The following PLEKHA4 variants were observed in gnomAD, a reference collection of about 807,000 sequenced individuals.
PLEKHA4 encodes pleckstrin homology domain containing A4, also known as pleckstrin homology domain-containing family A member 4.
A neutral mutation model predicts 94.7 loss-of-function variants in PLEKHA4; 73 were observed. The ratio of observed to expected loss-of-function variants is 0.77; its 90% CI spans 0.64 to 0.94. The LOEUF is 0.94. Ranked by LOEUF, PLEKHA4 falls within the 40% of genes least tolerant of loss-of-function variation. The probability of loss-of-function intolerance (pLI) is 0.00; values close to 1 mark genes in which losing one functional copy is unlikely to be tolerated. For missense variants in PLEKHA4, 1,049 were observed against 1,054.1 expected, an observed-to-expected ratio of 1.00 and a Z score of 0.07; for synonymous variants, 449 against 437.1, an observed-to-expected ratio of 1.03 and a Z score of -0.34.
intron 12 of PLEKHA4, 29 bp from the exon 13 acceptor site, chr19:48,852,355 G>A (rs750695670): frequency 1.1e-4 from 177 of 1,539,698 alleles, no homozygotes; most frequent in Non-Finnish European, 1.6e-4. Flanking sequence ...GGAGACATAG[G>A]TTAGGTCCCT....
At chr19:48,840,483 T>C (rs1251827851) in intron 17 of PLEKHA4, among the ~76,000 whole-genome samples, 1 of 148,634 alleles carries the variant, frequency 6.7e-6, no homozygotes, top group African/African-American at 2.5e-5. Context: ...TGGAGTGCAA[T>C]GGCAAAATCT....
In PLEKHA4 at chr19:48,837,311, G is replaced by A. The variant is rs2035563960; in HGVS notation, c.2318C>T (p.Thr773Ile). The A allele has an allele frequency of 1.9e-6, 3 of 1,613,986 alleles. No individual in the cohort carries two copies. Among genetic ancestry groups the A allele is most frequent in the East Asian group, 4.5e-5 (2 of 44,872 alleles). Reference sequence around the variant, plus strand: ...GGATTAGAAGCTGGATTGTAGCAGAGTGACTCGCAGAGGCCATGCCCCCTC... The same window carrying A: ...GGATTAGAAGCTGGATTGTAGCAGAATGACTCGCAGAGGCCATGCCCCCTC... ...QDEGAWPLRV[T>I]LLQSSF The change falls in exon 20 of 20, where the codon ACT becomes ATT. Residue 773 changes from threonine to isoleucine, a missense_variant. Thr to Ile is a moderately conservative substitution (Grantham distance 89). Coordinates refer to ENST00000263265, the MANE Select transcript of PLEKHA4 (RefSeq NM_020904.3). The surrounding 1 kb of genome is among the most constrained non-coding windows in gnomAD (Gnocchi z 4.3).
rs111485915 is a variant in PLEKHA4 at position 48,865,988 on chromosome 19, C to T, written c.85-378G>A. On this transcript the variant is annotated intron_variant, in intron 2 of 19. Coordinates refer to ENST00000263265, the MANE Select transcript of PLEKHA4 (RefSeq NM_020904.3). Reference sequence around the variant, plus strand: ...GAGATCGCACCACTGCACTCCAGCCCGGGAGACAGAGTGAGACTCCGTCTC... The same window carrying T: ...GAGATCGCACCACTGCACTCCAGCCTGGGAGACAGAGTGAGACTCCGTCTC... 1.0e-3 allele frequency among the ~76,000 whole-genome samples: 149 copies of T among 149,376 alleles called. 1 individual carries two copies. The highest frequency in any genetic ancestry group is 2.5e-3 in the African/African-American group (100 of 40,560).
In PLEKHA4 at chr19:48,858,883, A is replaced by G. The variant is rs567047662; in HGVS notation, c.949T>C (p.Trp317Arg). Residue 317 changes from tryptophan (W) to arginine (R), a missense_variant, in exon 8 of 20, where the codon TGG becomes CGG. Trp to Arg is a moderately radical substitution (Grantham distance 101). Coordinates refer to ENST00000263265, the MANE Select transcript of PLEKHA4 (RefSeq NM_020904.3). ...ACCTGTGTTCTGGGCTCCTGACTCC[A>G]GTGCTGGGGACTCCTGGGGGGCTTT... ...GGKPPRSPQH[W>R]SQEPRTQAHS... 6.2e-7 allele frequency: 1 copy of G among 1,610,720 alleles called. No individual in the cohort carries two copies. Among genetic ancestry groups the G allele is most frequent in the African/African-American group, 1.3e-5 (1 of 74,674 alleles).
chr19:48,841,499 C>G (rs1193971152), intron 16 of PLEKHA4, among the ~76,000 whole-genome samples, 189 bp from the exon 17 acceptor site: 1 of 151,938 alleles, frequency 6.6e-6, no homozygotes, highest in Non-Finnish European at 1.5e-5. Context: ...TGGTGGCAGG[C>G]ACCTGTAATC....
intron 16 of PLEKHA4, among the ~76,000 whole-genome samples, chr19:48,842,932 G>A (rs572533408): frequency 3.9e-5 from 6 of 152,018 alleles, no homozygotes; most frequent in Non-Finnish European, 8.8e-5. Context: ...GAAATCCCTG[G>A]AACTCACTAG....
rs777806574 is a variant in PLEKHA4 at position 48,852,301 on chromosome 19, T to C, written c.1352A>G (p.Tyr451Cys). Residue 451 changes from tyrosine to cysteine, a missense_variant, in exon 13 of 20, where the codon TAC becomes TGC. Tyr to Cys is a radical substitution (Grantham distance 194, BLOSUM62 -2). Coordinates refer to ENST00000263265, the MANE Select transcript of PLEKHA4 (RefSeq NM_020904.3). Reference protein sequence around the residue: ...TQERERVWDTYSGLEQELGTL... With the variant: ...TQERERVWDTCSGLEQELGTL... ...GCCCAGCTCCTGCTCCAGGCCACTG[T>C]ACGTGTCCCAAACCCTCTCTCGCTC... 1.2e-6 allele frequency: 2 copies of C among 1,614,046 alleles called. No individual in the cohort carries two copies. Among genetic ancestry groups the C allele is most frequent in the Non-Finnish European group, 8.5e-7 (1 of 1,179,996 alleles).
chr19:48,852,318 C>T lies in PLEKHA4; in HGVS notation c.1335G>A (p.Glu445=), dbSNP rs768803077. Residue 445 remains glutamate (E), a synonymous_variant, in exon 13 of 20, where the codon GAG becomes GAA. Transcript: ENST00000263265. ...GGCCACTGTACGTGTCCCAAACCCT[C>T]TCTCGCTCCTCAGGTTGCATAAAGG... ...ATLCHLTQER[E]RVWDTYSGLE... is the part of the protein sequence containing the mutation. 5.6e-6 allele frequency: 9 copies of T among 1,613,948 alleles called. No individual in the cohort carries two copies. In the South Asian group the frequency reaches 8.8e-5, roughly 16 times the overall value.
In PLEKHA4 at chr19:48,845,582, C is replaced by T; in HGVS notation, c.1601G>A (p.Arg534Lys). Reference sequence around the variant, plus strand: ...CCGCCCCCAGTCAGTCTCGGGGGACCTAGGGGAGCTCAGTTCCAAGGACTC... The same window carrying T: ...CCGCCCCCAGTCAGTCTCGGGGGACTTAGGGGAGCTCAGTTCCAAGGACTC... ...LPESLELSSP[R>K]SPETDWGRPP... Residue 534 changes from arginine to lysine, a missense_variant, in exon 15 of 20, where the codon AGG becomes AAG. Arg to Lys is a conservative substitution (Grantham distance 26). Coordinates refer to ENST00000263265, the MANE Select transcript of PLEKHA4 (RefSeq NM_020904.3). 1 of 1,605,934 alleles carries T rather than the reference C, an allele frequency of 6.2e-7. No homozygotes were observed. The highest frequency in any genetic ancestry group is 8.5e-7 in the Non-Finnish European group (1 of 1,175,918).
intron 3 of PLEKHA4, among the ~76,000 whole-genome samples, chr19:48,865,170 C>T (rs2036785991): frequency 6.6e-6 from 1 of 151,894 alleles, no homozygotes; most frequent in South Asian, 2.1e-4. Flanking sequence ...ATGATAAAAC[C>T]CCATCTCTAC....
intron 13 of PLEKHA4, among the ~76,000 whole-genome samples, chr19:48,850,655 T>C (rs2036150521): frequency 6.9e-6 from 1 of 145,362 alleles, no homozygotes; most frequent in Admixed American, 7.0e-5. Context: ...CCGTCTCTCA[T>C]AAAACTACAA....
rs761016349 is a variant in PLEKHA4, at chr19:48,854,014, T to A, written c.1169A>T (p.Glu390Val). ...RLQEEIDQKQ[E>V]EKEQLEAALE... ...TGGCCCAGGGCCCCGCACCTTCTCC[T>A]CCTGCTTCTGGTCTATCTCCTCCTG... Residue 390 changes from glutamate (E) to valine (V), a missense_variant, in exon 11 of 20, where the codon GAG becomes GTG. Glu to Val is a moderately radical substitution (Grantham distance 121). Transcript: ENST00000263265. The A allele has an allele frequency of 5.6e-6, 9 of 1,614,090 alleles. No homozygotes were observed. The South Asian group carries it at 9.9e-5, about 18-fold the overall frequency.
At chr19:48,849,733 T>C (rs1280773153) in intron 13 of PLEKHA4, among the ~76,000 whole-genome samples, 1 of 152,118 alleles carries the variant, frequency 6.6e-6, no homozygotes, top group African/African-American at 2.4e-5. Flanking sequence ...AAGGAATGGG[T>C]TCAGAACTGG....
intron 9 of PLEKHA4, among the ~76,000 whole-genome samples, chr19:48,856,877 C>T (rs189147618): frequency 0.014 from 1,595 of 114,488 alleles, 23 homozygotes; most frequent in Non-Finnish European, 0.015. Context: ...CCAGCCTGGG[C>T]GACAGAGAGA....
chr19:48,850,760 T>A (rs1433292938), intron 13 of PLEKHA4, among the ~76,000 whole-genome samples: 3 of 152,008 alleles, frequency 2.0e-5, no homozygotes, highest in African/African-American at 7.2e-5. Context: ...GATGTTGCGG[T>A]GAACCGAGAT....
Position 48,857,402 on chromosome 19 carries a change from G to C in PLEKHA4, c.1047+20C>G. On this transcript the variant is annotated intron_variant, in intron 9 of 19. Transcript: ENST00000263265. ...AAGGGAGGGGGCTCCGGTAGATTTA[G>C]GGTACTCCAGGATACCTACCAATAA... 7.4e-7 allele frequency: 1 copy of C among 1,349,816 alleles called. No homozygotes were observed. Among genetic ancestry groups the C allele is most frequent in the South Asian group, 1.3e-5 (1 of 75,412 alleles). The allele number at this position is 1,349,816 out of a possible 1,614,324, so 83.6% of individuals were successfully genotyped here.
chr19:48,852,864 CAG>C (rs72360769), intron 12 of PLEKHA4, among the ~76,000 whole-genome samples: 15,129 of 151,770 alleles, frequency 0.1, 1,008 homozygotes, highest in Non-Finnish European at 0.15. Flanking sequence ...ACCAGGGAGA[CAG>C]AAGTTGCAGT....
intron 13 of PLEKHA4, among the ~76,000 whole-genome samples, chr19:48,851,111 AGCCTGG>A (rs1222121035): frequency 6.6e-6 from 1 of 152,190 alleles, no homozygotes; most frequent in African/African-American, 2.4e-5. Context: ...ACTGCACTCC[AGCCTGG>A]GCAATAAAGC....
intron 16 of PLEKHA4, among the ~76,000 whole-genome samples, chr19:48,842,653 G>A (rs1179408066): frequency 6.6e-6 from 1 of 152,186 alleles, no homozygotes; most frequent in Non-Finnish European, 1.5e-5. Flanking sequence ...AGCCCCTGCT[G>A]CTCTTTGGAC....
Sources: allele counts gnomAD v4.1 joint callset (sites outside exome capture counted in the v4.1 genomes callset), GRCh38; gene constraint gnomAD v4.1.1; non-coding constraint Gnocchi (gnomAD v3.1); transcripts MANE v1.5; gene names NCBI Gene and HGNC (gene_info 2026-07-23, HGNC 2026-07-21).